Variants in N4BP2 observed in about 807,000 individuals in gnomAD.
N4BP2 encodes NEDD4-binding protein 2.
N4BP2 carries 91 observed loss-of-function variants against 152.8 expected under a neutral mutation model. The observed-to-expected ratio is 0.60, with a 90% CI of 0.50 to 0.71. The LOEUF is 0.71. Among genes scored for constraint, N4BP2 ranks in the 30% least tolerant of loss-of-function variants. The pLI is 0.00. For synonymous variants in N4BP2, 646 were observed against 705.3 expected (o/e 0.92, Z 1.33); for missense variants, 1,923 against 2,059.1 (o/e 0.93, Z 1.28).
intron 6 of N4BP2, among the ~76,000 whole-genome samples, chr4:40,113,200 G>T (rs991822775): frequency 1.3e-4 from 19 of 151,916 alleles, no homozygotes; most frequent in South Asian, 2.1e-4. Context: ...GGCTATCCTG[G>T]CATATATCTA....
At chr4:40,135,545 A>G (rs1286693556) in intron 13 of N4BP2, among the ~76,000 whole-genome samples, 14 of 152,078 alleles carry the variant, frequency 9.2e-5, no homozygotes, top group Admixed American at 9.2e-4. Flanking sequence ...CAGTGGTTGA[A>G]CTAGTTTACA....
intron 5 of N4BP2, among the ~76,000 whole-genome samples, chr4:40,110,397 C>T (rs911065578): frequency 6.6e-6 from 1 of 152,202 alleles, no homozygotes; most frequent in African/African-American, 2.4e-5. Flanking sequence ...TACATCCTCA[C>T]CAACACTTGT....
In N4BP2 at chr4:40,103,106, C is replaced by G; in HGVS notation, c.1261C>G (p.Gln421Glu). Reference protein sequence around the residue: ...WRNKDGTSAYQVQETPVSQVV... With the variant: ...WRNKDGTSAYEVQETPVSQVV... The stretch of plus-strand genomic sequence containing the variant: ...AAATAAAGATGGAACAAGTGCTTAT[C>G]AAGTACAAGAAACCCCAGTTTCTCA... The change falls in exon 4 of 18, where the codon CAA becomes GAA. Residue 421 changes from glutamine to glutamate, a missense_variant. Coordinates refer to ENST00000261435, the MANE Select transcript of N4BP2 (RefSeq NM_018177.6). 2.5e-6 allele frequency: 4 copies of G among 1,614,118 alleles called. No homozygotes were observed. Among genetic ancestry groups the G allele is most frequent in the Non-Finnish European group, 3.4e-6 (4 of 1,180,002 alleles).
intron 13 of N4BP2, among the ~76,000 whole-genome samples, chr4:40,135,778 G>A (rs1719328853): frequency 1.3e-5 from 2 of 152,024 alleles, no homozygotes; most frequent in Non-Finnish European, 2.9e-5. Flanking sequence ...TGTTGGCCAG[G>A]CTGATCTTGA....
At chr4:40,057,926 C>A (rs933263526) in intron 1 of N4BP2, among the ~76,000 whole-genome samples, 7 of 152,146 alleles carry the variant, frequency 4.6e-5, no homozygotes, top group Non-Finnish European at 8.8e-5. Context: ...ACATTCTCGC[C>A]ATGCAGTGGT....
rs1721581828 is a variant in N4BP2 at position 40,156,161 on chromosome 4, A to C, written c.*1924A>C. On this transcript the variant is annotated 3_prime_UTR_variant, in exon 18 of 18. Coordinates refer to ENST00000261435, the MANE Select transcript of N4BP2 (RefSeq NM_018177.6). Reference sequence around the variant, plus strand: ...TAAGGGTATGAAAAACAGTGCTAAAATGTGGAGTTAATTGGAATGTGTGCA... The same window carrying C: ...TAAGGGTATGAAAAACAGTGCTAAACTGTGGAGTTAATTGGAATGTGTGCA... 1.3e-5 allele frequency: 2 copies of C among 152,198 alleles called. No individual in the cohort carries two copies. The highest frequency in any genetic ancestry group is 2.9e-5 in the Non-Finnish European group (2 of 68,010). 9.4% of individuals were successfully genotyped at this position (152,198 alleles called of 1,614,324 possible). A position where few individuals can be genotyped will look rare whatever the true frequency, so the allele number is the denominator to read the frequency against.
At chr4:40,190,165 C>T in the N4BP2 span, among the ~76,000 whole-genome samples, 7 of 152,264 alleles carry the variant, frequency 4.6e-5, no homozygotes, top group Non-Finnish European at 8.8e-5. Context: ...CTTCCTAATA[C>T]GTAGATATAA....
chr4:40,107,689 C>T (rs1184940742), intron 5 of N4BP2, among the ~76,000 whole-genome samples: 1 of 152,080 alleles, frequency 6.6e-6, no homozygotes, highest in African/African-American at 2.4e-5. Flanking sequence ...TGGCCTATAA[C>T]TGTATAGTAT....
intron 13 of N4BP2, among the ~76,000 whole-genome samples, chr4:40,134,328 G>A (rs1345110972): frequency 6.6e-6 from 1 of 152,186 alleles, no homozygotes; most frequent in African/African-American, 2.4e-5. Flanking sequence ...CCTAGAGCAA[G>A]AGGCCTGAGG....
At chr4:40,160,342 A>T (rs527528524), downstream of N4BP2, among the ~76,000 whole-genome samples, 3 of 152,256 alleles carry the variant, frequency 2.0e-5, no homozygotes, top group South Asian at 6.2e-4. Flanking sequence ...CGATTTTGTG[A>T]TGGTGTGAAT....
chr4:40,107,955 G>C (rs1337321196), intron 5 of N4BP2, among the ~76,000 whole-genome samples: 2 of 148,648 alleles, frequency 1.3e-5, no homozygotes, highest in African/African-American at 2.5e-5. Flanking sequence ...ACAGTATCTC[G>C]CTCTGTTGCC....
At chr4:40,107,460 T>G (rs1716418172) in intron 5 of N4BP2, among the ~76,000 whole-genome samples, 1 of 152,088 alleles carries the variant, frequency 6.6e-6, no homozygotes, top group African/African-American at 2.4e-5. Context: ...CTGGGTTCAC[T>G]GCAACCTCTG....
rs201805188 is a variant in N4BP2, at chr4:40,128,276, G to A, written c.4527+1946G>A. 3.3e-5 allele frequency among the ~76,000 whole-genome samples: 5 copies of A among 152,202 alleles called. No individual in the cohort carries two copies. In the East Asian group the frequency reaches 9.6e-4, roughly 29 times the overall value. ...AAAACATTTTAACACTTTCTTATTC[G>A]TTTGACTGCACAAAGGAGCACCTTT... On this transcript the variant is annotated intron_variant, in intron 12 of 17. Coordinates refer to ENST00000261435, the MANE Select transcript of N4BP2 (RefSeq NM_018177.6).
chr4:40,110,416 G>A (rs138573117), intron 5 of N4BP2, among the ~76,000 whole-genome samples: 263 of 152,104 alleles, frequency 1.7e-3, no homozygotes, highest in African/African-American at 5.9e-3. Flanking sequence ...GTTATTGTCC[G>A]TTTTTTTGAT....
chr4:40,082,600 G>A (rs1247239341), intron 2 of N4BP2, among the ~76,000 whole-genome samples: 2 of 152,158 alleles, frequency 1.3e-5, no homozygotes, highest in African/African-American at 2.4e-5. Context: ...CGAGACCAGC[G>A]TGTGCAACAG....
chr4:40,153,846 A>T (rs569811613), intron 17 of N4BP2, among the ~76,000 whole-genome samples: 2 of 152,184 alleles, frequency 1.3e-5, no homozygotes, highest in African/African-American at 4.8e-5. Flanking sequence ...GACTTACCTG[A>T]TATATCAGAG....
chr4:40,087,073 TC>T (rs1279295119), intron 2 of N4BP2, among the ~76,000 whole-genome samples: 1 of 152,162 alleles, frequency 6.6e-6, no homozygotes, highest in Non-Finnish European at 1.5e-5. Flanking sequence ...GCTACTGATT[TC>T]TAGTATAATT....
the N4BP2 span, among the ~76,000 whole-genome samples, chr4:40,179,643 G>A: frequency 6.6e-6 from 1 of 152,086 alleles, no homozygotes; most frequent in Admixed American, 6.6e-5. Context: ...ACTTGGGCAG[G>A]TTGGTGCCAG....
At chr4:40,067,131 C>A (rs911042859) in intron 1 of N4BP2, among the ~76,000 whole-genome samples, 1 of 145,540 alleles carries the variant, frequency 6.9e-6, no homozygotes, top group South Asian at 2.2e-4. Flanking sequence ...GATCATGGCT[C>A]ACTGCAGCCT....
Sources: allele counts gnomAD v4.1 joint callset (sites outside exome capture counted in the v4.1 genomes callset), GRCh38; gene constraint gnomAD v4.1.1; transcripts MANE v1.5; gene names NCBI Gene and HGNC (gene_info 2026-07-23, HGNC 2026-07-21).